COLEC12: variants seen among roughly 807,000 people sequenced by gnomAD.
The protein encoded by COLEC12 is collectin subfamily member 12.
In COLEC12, 33 loss-of-function variants were observed where a neutral mutation model predicts 71.1. That is an observed-to-expected ratio of 0.46 (90% CI 0.35 to 0.62). COLEC12 has a LOEUF of 0.62. COLEC12 is among the 20% of genes least tolerant of loss of function. COLEC12 has a pLI of 0.00. For synonymous variants in COLEC12, 350 were observed against 353.0 expected (o/e 0.99, Z 0.10); for missense variants, 765 against 916.1 (o/e 0.84, Z 2.13).
chr18:440,970 C>A (rs996647222), intron 2 of COLEC12, among the ~76,000 whole-genome samples: 1 of 152,090 alleles, frequency 6.6e-6, no homozygotes, highest in East Asian at 1.9e-4. Context: ...CTATGCAGGC[C>A]GGGCGTGGTG....
chr18:432,712 C>G (rs1916328439), intron 2 of COLEC12, among the ~76,000 whole-genome samples: 1 of 104,634 alleles, frequency 9.6e-6, no homozygotes, highest in African/African-American at 3.3e-5. Flanking sequence ...CTGCGAGCCA[C>G]ACCCATCCAC....
intron 8 of COLEC12, among the ~76,000 whole-genome samples, chr18:329,081 C>A (rs2143422870): frequency 6.6e-6 from 1 of 152,236 alleles, no homozygotes. Context: ...TGGTTGGGGA[C>A]TGGGTGCCCA....
rs764971430 is a variant in COLEC12 at position 320,071 on chromosome 18, G to T, written c.2210-7C>A. On this transcript the variant is annotated splice_polypyrimidine_tract_variant and splice_region_variant and intron_variant, in intron 9 of 9. Coordinates refer to ENST00000400256, the MANE Select transcript of COLEC12 (RefSeq NM_130386.3). ...TATAATGCAGATGACAGTACTAAAA[G>T]AGAGAAATAAGAATGGGCATTAGTT... 2.0e-6 allele frequency: 3 copies of T among 1,523,078 alleles called. No individual in the cohort carries two copies. The South Asian group carries it at 3.6e-5, about 18-fold the overall frequency. 94.3% of individuals were successfully genotyped at this position (1,523,078 alleles called of 1,614,324 possible). A position where few individuals can be genotyped will look rare whatever the true frequency, so the allele number is the denominator to read the frequency against.
At chr18:483,519 G>T (rs1190614740) in intron 1 of COLEC12, among the ~76,000 whole-genome samples, 1 of 152,068 alleles carries the variant, frequency 6.6e-6, no homozygotes, top group African/African-American at 2.4e-5. Context: ...AAGAGATCTT[G>T]GTTTGGAATC....
chr18:404,881 G>C (rs1224253137), intron 2 of COLEC12, among the ~76,000 whole-genome samples: 2 of 152,082 alleles, frequency 1.3e-5, no homozygotes, highest in Non-Finnish European at 2.9e-5. Flanking sequence ...CTGCCTGCGG[G>C]GTTGGGCAAA....
intron 2 of COLEC12, among the ~76,000 whole-genome samples, chr18:370,608 C>T (rs925514983): frequency 6.6e-6 from 1 of 152,226 alleles, no homozygotes; most frequent in African/African-American, 2.4e-5. Flanking sequence ...GTTTAGAACA[C>T]ACTGTGAGTT....
intron 2 of COLEC12, among the ~76,000 whole-genome samples, chr18:453,420 C>T (rs971332211): frequency 1.3e-5 from 2 of 152,182 alleles, no homozygotes; most frequent in African/African-American, 4.8e-5. Flanking sequence ...TGACCAGCAT[C>T]CCCACCCTCA....
chr18:374,179 A>C (rs910141128), intron 2 of COLEC12, among the ~76,000 whole-genome samples: 1 of 152,244 alleles, frequency 6.6e-6, no homozygotes, highest in African/African-American at 2.4e-5. Flanking sequence ...CGGCAAACAG[A>C]GCTTGGGAGA....
rs1917005933 is a variant in COLEC12, at chr18:462,674, CATAAATTATATCTCT to C, written c.58+18018_58+18032del. 2.6e-5 allele frequency among the ~76,000 whole-genome samples: 4 copies of C among 152,128 alleles called. No individual in the cohort carries two copies. The South Asian group carries it at 8.3e-4, about 31-fold the overall frequency. Reference sequence around the variant, plus strand: ...CCTTAAATGGGTGAATTTTATGATACATAAATTATATCTCTATAAAGCTGTTATTAAAAATAACGG... The same window carrying C: ...CCTTAAATGGGTGAATTTTATGATACATAAAGCTGTTATTAAAAATAACGG... On this transcript the variant is annotated intron_variant, in intron 2 of 9. Transcript: ENST00000400256.
At chr18:381,138 T>C (rs543971596) in intron 2 of COLEC12, among the ~76,000 whole-genome samples, 75 of 152,314 alleles carry the variant, frequency 4.9e-4, no homozygotes, top group African/African-American at 1.8e-3. Flanking sequence ...AAGGAACTCC[T>C]TGCATTGCAA....
chr18:434,487 T>C (rs558455908), intron 2 of COLEC12, among the ~76,000 whole-genome samples: 87 of 152,348 alleles, frequency 5.7e-4, no homozygotes, highest in African/African-American at 2.0e-3. Flanking sequence ...TCGGAGTCCA[T>C]GTTTCCATTA....
chr18:343,673 G>A (rs144987537), intron 5 of COLEC12, among the ~76,000 whole-genome samples: 1 of 152,212 alleles, frequency 6.6e-6, no homozygotes, highest in East Asian at 1.9e-4. Context: ...ACACACTTTC[G>A]GTGACTATCC....
At chr18:321,605 C>CA in intron 9 of COLEC12, 57 bp downstream of exon 9, 1 of 1,601,794 alleles carries the variant, frequency 6.2e-7, no homozygotes, top group South Asian at 1.1e-5. Context: ...CACCACCCCT[C>CA]ACCCTTTCAT....
At chr18:392,116 A>G (rs73944705) in intron 2 of COLEC12, among the ~76,000 whole-genome samples, 2,684 of 152,290 alleles carry the variant, frequency 0.018, 84 homozygotes, top group African/African-American at 0.06. Flanking sequence ...GTGAACAAAG[A>G]GCATCCTTGG....
chr18:422,511 G>C (rs1024537039), intron 2 of COLEC12, among the ~76,000 whole-genome samples: 4 of 152,104 alleles, frequency 2.6e-5, no homozygotes, highest in Admixed American at 6.5e-5. Context: ...ATATACAAAT[G>C]CATACTCATT....
intron 3 of COLEC12, among the ~76,000 whole-genome samples, chr18:356,496 G>A (rs747381660): frequency 3.3e-5 from 5 of 152,204 alleles, no homozygotes; most frequent in Non-Finnish European, 7.3e-5. Flanking sequence ...TGCTGGGAGA[G>A]AGGTGGGAGG....
At chr18:448,473 T>C (rs752641562) in intron 2 of COLEC12, among the ~76,000 whole-genome samples, 22 of 152,208 alleles carry the variant, frequency 1.4e-4, no homozygotes, top group Non-Finnish European at 2.8e-4. Flanking sequence ...GACTCTGTTA[T>C]ATAAAAACAA....
chr18:332,032 A>T (rs1913995544), intron 7 of COLEC12, among the ~76,000 whole-genome samples: 1 of 152,134 alleles, frequency 6.6e-6, no homozygotes, highest in South Asian at 2.1e-4. Context: ...CACTCAGACA[A>T]CCCAGTGAAT....
chr18:456,198 T>C lies in COLEC12; in HGVS notation c.58+24509A>G, dbSNP rs140852952. On this transcript the variant is annotated intron_variant, in intron 2 of 9. Transcript: ENST00000400256. ...CCACCTTTATCCTGTCTCACAGAGG[T>C]AGGCATGACAGCATTAAAACCCAAC... 9.2e-5 allele frequency among the ~76,000 whole-genome samples: 14 copies of C among 152,206 alleles called. No homozygotes were observed. In the East Asian group the frequency reaches 2.7e-3, roughly 29 times the overall value.
Sources: gnomAD v4.1 joint callset for allele counts (sites outside exome capture counted in the v4.1 genomes callset) on GRCh38, gnomAD v4.1.1 for gene constraint, MANE v1.5 for transcripts, NCBI Gene and HGNC (gene_info 2026-07-23, HGNC 2026-07-21) for gene names.